SLC26A11: variants seen among roughly 807,000 people sequenced by gnomAD.
SLC26A11 encodes solute carrier family 26 member 11.
In SLC26A11, 58 loss-of-function variants were observed where a neutral mutation model predicts 62.2. The observed-to-expected ratio is 0.93, with a 90% confidence interval of 0.76 to 1.16. SLC26A11 has a LOEUF of 1.16. Among genes scored for constraint, SLC26A11 ranks in the 50% most tolerant of loss-of-function variants. SLC26A11 has a pLI of 0.00. For synonymous variants in SLC26A11, 411 were observed against 368.9 expected, an observed-to-expected ratio of 1.11 and a Z score of -1.31; for missense variants, 790 against 794.3, an observed-to-expected ratio of 0.99 and a Z score of 0.06.
chr17:80,245,471 A>G (rs1024584958), intron 11 of SLC26A11: 7 of 563,972 alleles, frequency 1.2e-5, no homozygotes, highest in Non-Finnish European at 2.2e-5. Flanking sequence ...AGAAAGTTCC[A>G]CTGGGCATTG....
chr17:80,224,198 TGTGA>T lies in SLC26A11; in HGVS notation c.513+865_513+868del, dbSNP rs1279464041. Among the ~76,000 whole-genome samples the T allele has an allele frequency of 7.7e-3, 947 of 123,574 alleles. 10 individuals carry two copies. The highest frequency in any genetic ancestry group is 0.023 in the African/African-American group (860 of 37,854). The allele number at this position is 123,574 out of a possible 152,430, so 81.1% of individuals were successfully genotyped here. A position where few individuals can be genotyped will look rare whatever the true frequency, so the allele number is the denominator to read the frequency against. Reference sequence around the variant, plus strand: ...GTGTGTGAGAGTGTGTATGAGTGTGTGTGAGTGTGTGAATGAGTGAGTGTGTGAG... The same window carrying T: ...GTGTGTGAGAGTGTGTATGAGTGTGTGTGTGTGAATGAGTGAGTGTGTGAG... On this transcript the variant is annotated intron_variant, in intron 5 of 17. Coordinates refer to ENST00000361193, the MANE Select transcript of SLC26A11 (RefSeq NM_001166347.2).
chr17:80,233,475 T>C (rs189803729), intron 7 of SLC26A11, among the ~76,000 whole-genome samples: 1 of 152,276 alleles, frequency 6.6e-6, no homozygotes. Flanking sequence ...TCTGGTGCTC[T>C]TAATTCCTTT....
Position 80,227,865 on chromosome 17 carries a change from T to TGCTGAA in SLC26A11, c.647_652dup (p.Lys216_Leu217dup). 6.2e-7 allele frequency: 1 copy of TGCTGAA among 1,603,030 alleles called. No homozygotes were observed. The highest frequency in any genetic ancestry group is 8.5e-7 in the Non-Finnish European group (1 of 1,179,846). On this transcript the variant is annotated inframe_insertion, in exon 7 of 18. Transcript: ENST00000361193. ...CTGGTCTGCATGCTGCTGCTGCTGG[T>TGCTGAA]GCTGAAGCTGATGCGGGACCACGTG... is the stretch of plus-strand genomic sequence containing the variant.
intron 10 of SLC26A11, among the ~76,000 whole-genome samples, chr17:80,244,069 C>A (rs76217541): frequency 2.0e-5 from 3 of 152,120 alleles, no homozygotes; most frequent in Non-Finnish European, 2.9e-5. Flanking sequence ...CCATGTCACC[C>A]GGGATGCCCT....
rs142468357 is a variant in SLC26A11 at position 80,222,767 on chromosome 17, C to T, written c.347C>T (p.Thr116Ile). The T allele has an allele frequency of 4.3e-6, 7 of 1,614,216 alleles. No homozygotes were observed. In the African/African-American group the frequency reaches 9.3e-5, roughly 22 times the overall value. Residue 116 changes from threonine (T) to isoleucine (I), a missense_variant, in exon 4 of 18, where the codon ACC (threonine) becomes ATC (isoleucine). Coordinates refer to ENST00000361193, the MANE Select transcript of SLC26A11 (RefSeq NM_001166347.2). The surrounding 1 kb of genome is among the most constrained non-coding windows in gnomAD (Gnocchi z 4.7). The part of the protein sequence containing the change: ...AIMSLLVSFY[T>I]FHEPAYAVLL... ...ATGTCCCTCCTGGTCTCCTTCTACA[C>T]CTTCCATGAGCCCGCCTACGCTGTG... is the stretch of plus-strand genomic sequence containing the variant.
At chr17:80,249,084 C>T in intron 15 of SLC26A11, 70 bp from the exon 16 acceptor site, 1 of 1,547,334 alleles carries the variant, frequency 6.5e-7, no homozygotes, top group Non-Finnish European at 8.7e-7. Context: ...GCCAGAGCCT[C>T]CTTTGGCCTC....
At position 80,220,728 on chromosome 17, in the gene SLC26A11, AGAC is replaced by A. The variant is rs550214723; in HGVS notation, c.-213-187_-213-185del. 0.016 allele frequency among the ~76,000 whole-genome samples: 2,470 copies of A among 151,108 alleles called. 78 individuals are homozygous for A. Among genetic ancestry groups the A allele is most frequent in the African/African-American group, 0.057 (2,339 of 40,994 alleles). The stretch of plus-strand genomic sequence containing the variant: ...TCAGGTGGCGCAGGGTCTCCTCCGG[AGAC>A]CCCAGGATCCGGAGCCAGCGGCCTT... On this transcript the variant is annotated intron_variant, in intron 1 of 17. Transcript: ENST00000361193.
intron 7 of SLC26A11, among the ~76,000 whole-genome samples, chr17:80,232,370 T>G (rs1321907909): frequency 1.7e-4 from 26 of 152,090 alleles, no homozygotes; most frequent in Admixed American, 1.7e-3. Flanking sequence ...TTGTTGTGCC[T>G]CAGCCTCCCA....
At chr17:80,251,762 CA>C (rs113713263) in intron 17 of SLC26A11, among the ~76,000 whole-genome samples, 9,234 of 112,218 alleles carry the variant, frequency 0.082, 663 homozygotes, top group African/African-American at 0.23. Flanking sequence ...GACTCTGTCT[CA>C]AAAAAAAAAA....
chr17:80,243,904 G>A (rs781255448), intron 10 of SLC26A11, among the ~76,000 whole-genome samples: 4 of 152,212 alleles, frequency 2.6e-5, no homozygotes, highest in East Asian at 1.9e-4. Context: ...GGGTTGCGCT[G>A]GTCAGCTTCG....
chr17:80,252,563 G>C lies in SLC26A11; in HGVS notation c.1730-62G>C. The C allele has an allele frequency of 6.5e-7, 1 of 1,531,586 alleles. No homozygotes were observed. The highest frequency in any genetic ancestry group is 9.0e-7 in the Non-Finnish European group (1 of 1,112,442). 94.9% of individuals were successfully genotyped at this position (1,531,586 alleles called of 1,614,324 possible). On this transcript the variant is annotated intron_variant, in intron 17 of 17. Transcript: ENST00000361193. The surrounding 1 kb of genome is among the most constrained non-coding windows in gnomAD (Gnocchi z 5.2). ...AAGGCCCTCCTTAATCCCTTCCTGTGAACTGACCCATCCTCACTTCTGAGC... is the reference window on the plus strand; with the variant it reads ...AAGGCCCTCCTTAATCCCTTCCTGTCAACTGACCCATCCTCACTTCTGAGC...
At chr17:80,241,629 G>A (rs1567961328) in intron 9 of SLC26A11, 142 bp from the exon 10 acceptor site, 2 of 833,552 alleles carry the variant, frequency 2.4e-6, no homozygotes, top group South Asian at 3.0e-5. Flanking sequence ...GCACATATAT[G>A]TGAATATTTT....
rs1341036394 is a variant in SLC26A11, at chr17:80,234,477, TG to T, written c.737-2450del. On this transcript the variant is annotated intron_variant, in intron 7 of 17. Transcript: ENST00000361193. ...TGGCTTGATGTAGTGTTTTTTTGTT[TG>T]TTTGTTTTTTGTTTTCTGTGTTTAT... Among the ~76,000 whole-genome samples the T allele has an allele frequency of 3.1e-4, 46 of 150,730 alleles. No individual in the cohort carries two copies. The East Asian group carries it at 3.7e-3, about 12-fold the overall frequency.
chr17:80,242,597 C>G (rs2042893698), intron 10 of SLC26A11, among the ~76,000 whole-genome samples: 1 of 152,222 alleles, frequency 6.6e-6, no homozygotes, highest in Non-Finnish European at 1.5e-5. Flanking sequence ...CTCGGGGGCC[C>G]CAAGTTGCCT....
Position 80,237,609 on chromosome 17 carries a change from A to G in SLC26A11, c.985+15A>G. 1.2e-6 allele frequency: 2 copies of G among 1,608,158 alleles called. No individual in the cohort carries two copies. Among genetic ancestry groups the G allele is most frequent in the South Asian group, 2.2e-5 (2 of 89,550 alleles). On this transcript the variant is annotated intron_variant, in intron 9 of 17. Transcript: ENST00000361193. Reference sequence around the variant, plus strand: ...CAAAGCCTTCGGTAAGACGCCTGTCACCCACACCCCAGGTCTCCCAGTGCG... The same window carrying G: ...CAAAGCCTTCGGTAAGACGCCTGTCGCCCACACCCCAGGTCTCCCAGTGCG...
intron 17 of SLC26A11, among the ~76,000 whole-genome samples, chr17:80,251,804 C>A (rs1205299968): frequency 6.6e-6 from 1 of 151,994 alleles, no homozygotes; most frequent in Non-Finnish European, 1.5e-5. Context: ...CACCTCCACC[C>A]CAGTCCACTT....
At chr17:80,245,743 G>T (rs2042976776) in intron 11 of SLC26A11, among the ~76,000 whole-genome samples, 1 of 152,230 alleles carries the variant, frequency 6.6e-6, no homozygotes, top group African/African-American at 2.4e-5. Context: ...CGGGCATGAA[G>T]CTTAGCCCAG....
intron 7 of SLC26A11, 25 bp from the exon 8 acceptor site, chr17:80,236,903 G>C: frequency 6.3e-7 from 1 of 1,594,008 alleles, no homozygotes; most frequent in South Asian, 1.1e-5. Context: ...GCAGGGTCTC[G>C]GACGCACCTC....
At chr17:80,235,317 T>C (rs1311654727) in intron 7 of SLC26A11, among the ~76,000 whole-genome samples, 4 of 152,178 alleles carry the variant, frequency 2.6e-5, no homozygotes, top group Admixed American at 2.6e-4. Context: ...CTGTTAATTC[T>C]GTCATCTTTA....
Sources: gnomAD v4.1 joint callset for allele counts (sites outside exome capture counted in the v4.1 genomes callset) on GRCh38, gnomAD v4.1.1 for gene constraint, Gnocchi (gnomAD v3.1) non-coding constraint, MANE v1.5 for transcripts, NCBI Gene and HGNC (gene_info 2026-07-23, HGNC 2026-07-21) for gene names.